EXOG: variants seen among roughly 807,000 people sequenced by gnomAD.
EXOG encodes nuclease EXOG, mitochondrial.
Under a neutral mutation model 25.8 loss-of-function variants are expected in EXOG, and 27 were observed. That is an observed-to-expected ratio of 1.05 (90% confidence interval 0.77 to 1.45). The LOEUF (loss-of-function observed/expected upper bound fraction) is 1.45. Among genes scored for constraint, EXOG ranks in the 40% most tolerant of loss-of-function variants. The pLI, the probability that EXOG is intolerant of heterozygous loss-of-function variation, is 0.00. For missense variants in EXOG, 458 were observed against 450.5 expected (o/e 1.02, Z -0.15); for synonymous variants, 133 against 167.0 (o/e 0.80, Z 1.57).
Position 38,496,544 on chromosome 3 carries a change from C to A in EXOG, c.163+14C>A, listed in dbSNP as rs116479475. On this transcript the variant is annotated intron_variant, in intron 1 of 5. Coordinates refer to ENST00000287675, the MANE Select transcript of EXOG (RefSeq NM_005107.4). The stretch of plus-strand genomic sequence containing the variant: ...AGCAGCCGGATGGTAAGTCTGTGGG[C>A]CCGTCCTCCCTTCGCTGGCCCAGAT... The A allele has an allele frequency of 6.2e-7, 1 of 1,603,408 alleles. No homozygotes were observed. Among genetic ancestry groups the A allele is most frequent in the Non-Finnish European group, 8.5e-7 (1 of 1,175,846 alleles).
In EXOG at chr3:38,524,597, A is replaced by G; in HGVS notation, c.*235A>G. 8.2e-7 allele frequency: 1 copy of G among 1,225,242 alleles called. No homozygotes were observed. Among genetic ancestry groups the G allele is most frequent in the Non-Finnish European group, 1.0e-6 (1 of 978,950 alleles). The allele number at this position is 1,225,242 out of a possible 1,614,324, so 75.9% of individuals were successfully genotyped here. Reference sequence around the variant, plus strand: ...CTGCCCCCTGAGCAGCTGGGACTACAGGCACACACCATCACCCTCAGCTAC... The same window carrying G: ...CTGCCCCCTGAGCAGCTGGGACTACGGGCACACACCATCACCCTCAGCTAC... On this transcript the variant is annotated 3_prime_UTR_variant, in exon 6 of 6. Coordinates refer to ENST00000287675, the MANE Select transcript of EXOG (RefSeq NM_005107.4).
chr3:38,503,726 G>C (rs1382293862), intron 4 of EXOG, 35 bp downstream of exon 4: 2 of 1,239,700 alleles, frequency 1.6e-6, no homozygotes, highest in Non-Finnish European at 1.2e-6. Flanking sequence ...ATGATTCTAT[G>C]GAAGATAAAT....
rs767309530 is a variant in EXOG at position 38,496,530 on chromosome 3, G to T, written c.163G>T (p.Gly55Ter). 4 of 1,610,410 alleles carry T rather than the reference G, an allele frequency of 2.5e-6. No individual in the cohort carries two copies. In the Admixed American group the frequency reaches 6.7e-5, roughly 27 times the overall value. Reference protein sequence around the residue: ...EGALTGKQPDGSAEKAVLEQF... With the variant: ...EGALTGKQPD ...AGCGTTGACAGGGAAGCAGCCGGAT[G>T]GTAAGTCTGTGGGCCCGTCCTCCCT... is the stretch of plus-strand genomic sequence containing the variant. Residue 55 changes from glycine (G) to a stop codon, truncating the protein, a stop_gained and splice_region_variant, in exon 1 of 6, where the codon GGA becomes TGA. Transcript: ENST00000287675. LOFTEE classifies it high-confidence loss of function.
intron 5 of EXOG, among the ~76,000 whole-genome samples, chr3:38,508,130 C>T (rs531589393): frequency 1.3e-5 from 2 of 151,100 alleles, no homozygotes; most frequent in South Asian, 2.1e-4. Flanking sequence ...GACTCCACCT[C>T]GAAAAAAATA....
At chr3:38,501,208 A>G in intron 2 of EXOG, 147 bp from the exon 3 acceptor site, 1 of 656,000 alleles carries the variant, frequency 1.5e-6, no homozygotes, top group Non-Finnish European at 2.7e-6. Context: ...TATCTGAACT[A>G]TCCCAGGAAC....
chr3:38,515,606 T>G (rs1575658529), intron 5 of EXOG: 1 of 174,280 alleles, frequency 5.7e-6, no homozygotes, highest in East Asian at 1.6e-4. Context: ...ATCATGCTGG[T>G]GGAGGAGATG....
rs1575620060 is a variant in EXOG at position 38,504,158 on chromosome 3, A to G, written c.530+467A>G. Among the ~76,000 whole-genome samples the G allele has an allele frequency of 2.6e-5, 4 of 152,240 alleles. No homozygotes were observed. The Middle Eastern group carries it at 0.01, about 388-fold the overall frequency. On this transcript the variant is annotated intron_variant, in intron 4 of 5. Transcript: ENST00000287675. ...CGAGGCAGGAGAATTGCTTGAGGCC[A>G]GCAGTTTGAGACTGGCCTGGGACAT...
Position 38,526,136 on chromosome 3 carries a change from A to C in EXOG, c.*1774A>C. ...GGGTTTACACGGAGTCCTTTCATGGACTATCCTGAGTATTGTCAGTAAAAC... is the reference window on the plus strand; with the variant it reads ...GGGTTTACACGGAGTCCTTTCATGGCCTATCCTGAGTATTGTCAGTAAAAC... On this transcript the variant is annotated 3_prime_UTR_variant, in exon 6 of 6. Transcript: ENST00000287675. 1.0e-6 allele frequency: 1 copy of C among 985,330 alleles called. No homozygotes were observed. The highest frequency in any genetic ancestry group is 4.7e-5 in the South Asian group (1 of 21,286). The allele number at this position is 985,330 out of a possible 1,614,324, so 61.0% of individuals were successfully genotyped here.
chr3:38,508,711 A>ACCCCC (rs10657688), intron 5 of EXOG, among the ~76,000 whole-genome samples: 3 of 132,268 alleles, frequency 2.3e-5, no homozygotes, highest in South Asian at 2.5e-4. Context: ...TTGAGGAACC[A>ACCCCC]CCCCCCCCCC....
rs573258660 is a variant in EXOG at position 38,513,339 on chromosome 3, G to T, written c.645+6371G>T. 3.9e-5 allele frequency among the ~76,000 whole-genome samples: 6 copies of T among 152,210 alleles called. No individual in the cohort carries two copies. In the East Asian group the frequency reaches 7.7e-4, roughly 20 times the overall value. The stretch of plus-strand genomic sequence containing the variant: ...TTACATTTCCTGTCTAGCCCTTGTT[G>T]GTCTTTGAGTTTGTAATCCAAGATC... On this transcript the variant is annotated intron_variant, in intron 5 of 5. Coordinates refer to ENST00000287675, the MANE Select transcript of EXOG (RefSeq NM_005107.4).
At position 38,526,059 on chromosome 3, in the gene EXOG, A is replaced by C. The variant is rs1294659386; in HGVS notation, c.*1697A>C. The C allele has an allele frequency of 1.0e-6, 1 of 985,300 alleles. No homozygotes were observed. Among genetic ancestry groups the C allele is most frequent in the Non-Finnish European group, 1.2e-6 (1 of 829,896 alleles). The allele number at this position is 985,300 out of a possible 1,614,324, so 61.0% of individuals were successfully genotyped here. On this transcript the variant is annotated 3_prime_UTR_variant, in exon 6 of 6. Transcript: ENST00000287675. Reference sequence around the variant, plus strand: ...GTAGGCCAAAGGTCCAAAGGCATTTAGCATTCCTAGGGGAAATTGTGGCTG... The same window carrying C: ...GTAGGCCAAAGGTCCAAAGGCATTTCGCATTCCTAGGGGAAATTGTGGCTG...
rs974874282 is a variant in EXOG, at chr3:38,497,497, C to T, written c.164-132C>T. On this transcript the variant is annotated intron_variant, in intron 1 of 5. Transcript: ENST00000287675. Reference sequence around the variant, plus strand: ...AAATGAGATTTTCTGGTTGATTAGACTTCTGAGCCAGTCCTTTGTAAATCA... The same window carrying T: ...AAATGAGATTTTCTGGTTGATTAGATTTCTGAGCCAGTCCTTTGTAAATCA... The T allele has an allele frequency of 2.2e-6, 3 of 1,378,878 alleles. No individual in the cohort carries two copies. In the East Asian group the frequency reaches 8.3e-5, roughly 38 times the overall value. 85.4% of individuals were successfully genotyped at this position (1,378,878 alleles called of 1,614,324 possible).
At chr3:38,497,500 C>G in intron 1 of EXOG, 129 bp from the exon 2 acceptor site, 2 of 1,380,958 alleles carry the variant, frequency 1.4e-6, no homozygotes, top group Non-Finnish European at 1.9e-6. Flanking sequence ...GATTAGACTT[C>G]TGAGCCAGTC....
In EXOG at chr3:38,496,489, G is replaced by A. The variant is rs777288999; in HGVS notation, c.122G>A (p.Ser41Asn). ...AGLAALQFFR[S>N]QGAEGALTGK... ...CTCGCGGCCCTGCAGTTCTTCCGGA[G>A]TCAGGGCGCTGAGGGAGCGTTGACA... Residue 41 changes from serine (S) to asparagine (N), a missense_variant, in exon 1 of 6, where the codon AGT (serine) becomes AAT (asparagine). This residue lies in a region of EXOG where 275 missense variants were observed against 230.5 expected (regional missense o/e 1.19). Transcript: ENST00000287675. 1 of 1,613,716 alleles carries A rather than the reference G, an allele frequency of 6.2e-7. No homozygotes were observed. The highest frequency in any genetic ancestry group is 1.1e-5 in the South Asian group (1 of 91,072).
intron 5 of EXOG, among the ~76,000 whole-genome samples, chr3:38,522,306 G>C (rs1039577725): frequency 2.6e-5 from 4 of 152,176 alleles, no homozygotes; most frequent in African/African-American, 9.7e-5. Flanking sequence ...TCGTGTCTCT[G>C]TCTTATTTGG....
chr3:38,509,139 T>C (rs866023801), intron 5 of EXOG, among the ~76,000 whole-genome samples: 57 of 152,352 alleles, frequency 3.7e-4, no homozygotes, highest in African/African-American at 1.2e-3. Context: ...TTAATTATTC[T>C]TGGTCTTTGT....
At chr3:38,511,805 C>A (rs1296940861) in intron 5 of EXOG, among the ~76,000 whole-genome samples, 1 of 152,138 alleles carries the variant, frequency 6.6e-6, no homozygotes, top group Non-Finnish European at 1.5e-5. Flanking sequence ...TCAGTTTTAT[C>A]TGTGATATTT....
intron 4 of EXOG, chr3:38,505,628 G>A (rs2060179667): frequency 6.6e-6 from 1 of 152,104 alleles, no homozygotes; most frequent in East Asian, 1.9e-4. Context: ...ACTGAGGAAT[G>A]AGGACATGCA....
chr3:38,498,734 C>G (rs1349573346), intron 2 of EXOG: 1 of 304,480 alleles, frequency 3.3e-6, no homozygotes, highest in Non-Finnish European at 6.6e-6. Flanking sequence ...TCTTCGGAGG[C>G]CCCCAATGTG....
Sources: gnomAD v4.1 joint callset for allele counts (sites outside exome capture counted in the v4.1 genomes callset) on GRCh38, gnomAD v4.1.1 for gene constraint, gnomAD v4.1.1 regional missense constraint, MANE v1.5 for transcripts, NCBI Gene and HGNC (gene_info 2026-07-23, HGNC 2026-07-21) for gene names.